TMEM244: variants seen among roughly 807,000 people sequenced by gnomAD.
TMEM244 encodes transmembrane protein 244, also known as putative transmembrane protein 244.
TMEM244 carries 13 observed loss-of-function variants against 15.8 expected under a neutral mutation model. That is an observed-to-expected ratio of 0.82 (90% CI 0.53 to 1.30). The LOEUF (loss-of-function observed/expected upper bound fraction) is 1.30. Ranked by LOEUF, TMEM244 falls within the 50% of genes most tolerant of loss-of-function variation. The probability of loss-of-function intolerance (pLI) is 0.00; values close to 1 mark genes in which losing one functional copy is unlikely to be tolerated. For missense variants in TMEM244, 161 were observed against 144.9 expected (o/e 1.11, Z -0.57); for synonymous variants, 45 against 48.7 (o/e 0.92, Z 0.32).
intron 3 of TMEM244, among the ~76,000 whole-genome samples, chr6:129,836,902 G>T (rs1165326583): frequency 1.3e-5 from 2 of 152,140 alleles, no homozygotes; most frequent in African/African-American, 4.8e-5. Flanking sequence ...AATGAACAAA[G>T]CCTCCAAGAA....
rs1447464886 is a variant in TMEM244 at position 129,833,446 on chromosome 6, T to C, written c.319+14A>G. The C allele has an allele frequency of 6.2e-7, 1 of 1,605,140 alleles. No homozygotes were observed. The highest frequency in any genetic ancestry group is 2.2e-5 in the East Asian group (1 of 44,644). On this transcript the variant is annotated intron_variant, in intron 4 of 4. Transcript: ENST00000368143. ...AATACATTTTCCTTGTTTCTGTTAT[T>C]TTATTCTGCTTACCAGTTGAAGTGA... is the stretch of plus-strand genomic sequence containing the variant.
chr6:129,845,590 G>A (rs1269780569), intron 2 of TMEM244, among the ~76,000 whole-genome samples, 177 bp downstream of exon 2: 2 of 152,096 alleles, frequency 1.3e-5, no homozygotes, highest in Non-Finnish European at 2.9e-5. Flanking sequence ...ACCAGCCTAG[G>A]CAACATAGCA....
intron 1 of TMEM244, among the ~76,000 whole-genome samples, chr6:129,854,055 A>G (rs967511237): frequency 5.3e-5 from 8 of 152,152 alleles, no homozygotes; most frequent in African/African-American, 1.7e-4. Context: ...ATATCGTTTT[A>G]TGGTTCTGCA....
At chr6:129,837,449 G>T (rs907211130) in intron 3 of TMEM244, among the ~76,000 whole-genome samples, 17 of 152,108 alleles carry the variant, frequency 1.1e-4, no homozygotes, top group African/African-American at 3.9e-4. Context: ...AGGAACAACA[G>T]GTACTAGCCA....
Position 129,845,792 on chromosome 6 carries a change from G to T in TMEM244, c.94C>A (p.Leu32Met), listed in dbSNP as rs755723669. ...TCAAACATCACGCAGCCCATGCTCA[G>T]GGACACATAGTACACAGTGTAGAAA... is the stretch of plus-strand genomic sequence containing the variant. ...ILFYTVYYVS[L>M]SMGCVMFEVH... is the part of the protein sequence containing the mutation. Residue 32 changes from leucine (L) to methionine (M), a missense_variant, in exon 2 of 5, where the codon CTG becomes ATG. Physicochemically the swap from Leu to Met is conservative, Grantham distance 15. Coordinates refer to ENST00000368143, the MANE Select transcript of TMEM244 (RefSeq NM_001010876.2). The T allele has an allele frequency of 1.2e-6, 2 of 1,612,860 alleles. No individual in the cohort carries two copies. The highest frequency in any genetic ancestry group is 4.5e-5 in the East Asian group (2 of 44,810).
chr6:129,843,011 A>G (rs1776512682), intron 3 of TMEM244, among the ~76,000 whole-genome samples: 1 of 151,930 alleles, frequency 6.6e-6, no homozygotes, highest in South Asian at 2.1e-4. Flanking sequence ...GGGAAGAAAA[A>G]TAAAACCAAG....
intron 3 of TMEM244, among the ~76,000 whole-genome samples, chr6:129,838,402 A>T (rs1439847947): frequency 6.6e-6 from 1 of 152,248 alleles, no homozygotes; most frequent in Admixed American, 6.5e-5. Context: ...ACAAAGACAC[A>T]ATGTATCAGA....
At chr6:129,832,167 G>A (rs1274201864) in intron 4 of TMEM244, among the ~76,000 whole-genome samples, 4 of 145,332 alleles carry the variant, frequency 2.8e-5, no homozygotes, top group African/African-American at 7.8e-5. Context: ...GTGTGATCTC[G>A]GCTTACTGCA....
At chr6:129,836,278 G>A (rs112175768) in intron 3 of TMEM244, among the ~76,000 whole-genome samples, 10,361 of 152,146 alleles carry the variant, frequency 0.068, 521 homozygotes, top group South Asian at 0.2. Context: ...AGGCAAACAG[G>A]GTCTGGAGTG....
chr6:129,835,201 C>T (rs916264952), intron 3 of TMEM244, among the ~76,000 whole-genome samples: 2 of 151,994 alleles, frequency 1.3e-5, no homozygotes, highest in African/African-American at 4.8e-5. Context: ...TTCAAGGCCA[C>T]ACTGGGCAAT....
intron 1 of TMEM244, among the ~76,000 whole-genome samples, chr6:129,853,404 C>A (rs146577516): frequency 6.6e-6 from 1 of 152,086 alleles, no homozygotes; most frequent in Admixed American, 6.6e-5. Flanking sequence ...TCTCTTTCTC[C>A]GTATAATATT....
chr6:129,850,633 T>C (rs946926783), intron 1 of TMEM244, among the ~76,000 whole-genome samples: 1 of 152,222 alleles, frequency 6.6e-6, no homozygotes, highest in African/African-American at 2.4e-5. Context: ...ACATATGTAA[T>C]TTAAAATTTT....
chr6:129,832,882 C>T (rs1037917130), intron 4 of TMEM244, among the ~76,000 whole-genome samples: 4 of 152,086 alleles, frequency 2.6e-5, no homozygotes, highest in East Asian at 1.9e-4. Flanking sequence ...GATAGGCGTC[C>T]GTGCATCCCC....
At chr6:129,857,014 A>G (rs1776722179) in intron 1 of TMEM244, among the ~76,000 whole-genome samples, 1 of 152,040 alleles carries the variant, frequency 6.6e-6, no homozygotes, top group Non-Finnish European at 1.5e-5. Context: ...CTTATGATTA[A>G]ATAAATTCTT....
chr6:129,831,923 G>A (rs902165342), intron 4 of TMEM244, among the ~76,000 whole-genome samples: 7 of 152,114 alleles, frequency 4.6e-5, no homozygotes, highest in Non-Finnish European at 8.8e-5. Context: ...TTCAGAAGCA[G>A]AGTGTTGGGG....
intron 2 of TMEM244, among the ~76,000 whole-genome samples, chr6:129,844,568 G>A (rs1043961693): frequency 6.6e-6 from 1 of 152,110 alleles, no homozygotes; most frequent in Non-Finnish European, 1.5e-5. Context: ...GTTTGTAGTC[G>A]TGTGCAGCTG....
chr6:129,854,340 G>A (rs1776675203), intron 1 of TMEM244, among the ~76,000 whole-genome samples: 2 of 152,166 alleles, frequency 1.3e-5, no homozygotes, highest in Admixed American at 1.3e-4. Context: ...ACACTGAACA[G>A]TACCCCAGAT....
intron 1 of TMEM244, among the ~76,000 whole-genome samples, chr6:129,858,768 A>G (rs1776754229): frequency 6.6e-6 from 1 of 151,940 alleles, no homozygotes; most frequent in Non-Finnish European, 1.5e-5. Context: ...GAAATAATGG[A>G]AGACAAGACC....
chr6:129,842,049 G>A (rs754656290), intron 3 of TMEM244, among the ~76,000 whole-genome samples: 4 of 152,124 alleles, frequency 2.6e-5, no homozygotes, highest in Non-Finnish European at 5.9e-5. Flanking sequence ...AGGAAAGGAC[G>A]ACTGTAAACT....
Sources: allele counts gnomAD v4.1 joint callset (sites outside exome capture counted in the v4.1 genomes callset), GRCh38; gene constraint gnomAD v4.1.1; transcripts MANE v1.5; gene names NCBI Gene and HGNC (gene_info 2026-07-23, HGNC 2026-07-21).